TRIM5: variants seen among roughly 807,000 people sequenced by gnomAD.
TRIM5 encodes the protein tripartite motif containing 5, also known as tripartite motif-containing protein 5.
In TRIM5, 31 loss-of-function variants were observed where a neutral mutation model predicts 35.6. That is an observed-to-expected ratio of 0.87 (90% CI 0.65 to 1.18). TRIM5 has a LOEUF of 1.18. TRIM5 is among the 50% of genes most tolerant of loss of function. The pLI, the probability that TRIM5 is intolerant of heterozygous loss-of-function variation, is 0.00. For synonymous variants in TRIM5, 243 were observed against 215.6 expected (o/e 1.13, Z -1.11); for missense variants, 609 against 591.6 (o/e 1.03, Z -0.31).
chr11:5,610,757 T>G, the TRIM5 span: 9 of 1,612,146 alleles, frequency 5.6e-6, no homozygotes, highest in South Asian at 8.8e-5. Context: ...CATCTGCTGA[T>G]GTTGTACCTT....
At chr11:5,604,232 T>G in the TRIM5 span, among the ~76,000 whole-genome samples, 6 of 152,076 alleles carry the variant, frequency 3.9e-5, no homozygotes, top group Non-Finnish European at 8.8e-5. Flanking sequence ...CAGGCTGATC[T>G]CAAACTCCTG....
the TRIM5 span, chr11:5,642,378 G>A: frequency 6.2e-7 from 1 of 1,602,394 alleles, no homozygotes; most frequent in Non-Finnish European, 8.5e-7. Flanking sequence ...GAGAGATGTG[G>A]GGGTCAAAAA....
downstream of TRIM5, among the ~76,000 whole-genome samples, chr11:5,662,332 A>G (rs1038414233): frequency 2.2e-4 from 33 of 152,212 alleles, no homozygotes; most frequent in Non-Finnish European, 1.5e-4. Flanking sequence ...GCCAATAGAC[A>G]TAGGGATCCT....
chr11:5,624,692 T>C, the TRIM5 span: 2 of 152,186 alleles, frequency 1.3e-5, no homozygotes, highest in African/African-American at 4.8e-5. Flanking sequence ...GCGGCATCTG[T>C]GACCTGTACC....
chr11:5,632,332 A>G, the TRIM5 span: 1 of 1,614,106 alleles, frequency 6.2e-7, no homozygotes, highest in East Asian at 2.2e-5. Flanking sequence ...AAGCAGTGCA[A>G]TGGCTTCAAA....
chr11:5,683,046 C>T (rs1292701475), intron 1 of TRIM5, among the ~76,000 whole-genome samples: 2 of 152,216 alleles, frequency 1.3e-5, no homozygotes, highest in Non-Finnish European at 2.9e-5. Context: ...TCGGAGTGGC[C>T]GGCCGGCCCC....
rs746025761 is a variant in TRIM5 at position 5,665,293 on chromosome 11, C to G, written c.998G>C (p.Gly333Ala). ...ATTCACAAATGTCTGGTATCTTGTCCCTCGTGCCCCATATATTATCTGTGG... is the reference window on the plus strand; with the variant it reads ...ATTCACAAATGTCTGGTATCTTGTCGCTCGTGCCCCATATATTATCTGTGG... ...PKPQIIYGAR[G>A]TRYQTFVNFN... Residue 333 changes from glycine (G) to alanine (A), a missense_variant, in exon 8 of 8, where the codon GGG becomes GCG. Physicochemically the swap from Gly to Ala is moderately conservative, Grantham distance 60. Coordinates refer to ENST00000380034, the MANE Select transcript of TRIM5 (RefSeq NM_033034.3). 2.5e-6 allele frequency: 4 copies of G among 1,614,106 alleles called. No individual in the cohort carries two copies. The highest frequency in any genetic ancestry group is 3.4e-6 in the Non-Finnish European group (4 of 1,180,024).
intron 1 of TRIM5, among the ~76,000 whole-genome samples, chr11:5,683,098 C>T (rs1314783907): frequency 6.6e-6 from 1 of 152,228 alleles, no homozygotes; most frequent in Non-Finnish European, 1.5e-5. Context: ...GGGCCAGCAG[C>T]TGCTGTGCTC....
At position 5,664,657 on chromosome 11, in the gene TRIM5, T is replaced by C; in HGVS notation, c.*152A>G. 7 of 1,394,858 alleles carry C rather than the reference T, an allele frequency of 5.0e-6. No individual in the cohort carries two copies. The highest frequency in any genetic ancestry group is 6.5e-6 in the Non-Finnish European group (7 of 1,079,298). The allele number at this position is 1,394,858 out of a possible 1,614,324, so 86.4% of individuals were successfully genotyped here. On this transcript the variant is annotated 3_prime_UTR_variant, in exon 8 of 8. Transcript: ENST00000380034. ...TGGGGACAATATGGCACAAGGCAAT[T>C]ATTACATTTTACTGATGAGTGAAGG... is the stretch of plus-strand genomic sequence containing the variant.
At chr11:5,652,680 A>G in the TRIM5 span, among the ~76,000 whole-genome samples, 1 of 152,094 alleles carries the variant, frequency 6.6e-6, no homozygotes, top group Non-Finnish European at 1.5e-5. Context: ...ATTTTAGAAT[A>G]GTTTTTTTCT....
intron 1 of TRIM5, among the ~76,000 whole-genome samples, chr11:5,681,604 C>T (rs1400164137): frequency 6.6e-6 from 1 of 152,116 alleles, no homozygotes; most frequent in Non-Finnish European, 1.5e-5. Context: ...TTCAGACCCT[C>T]AATAAACTTG....
chr11:5,611,737 G>A, the TRIM5 span: 1 of 201,202 alleles, frequency 5.0e-6, no homozygotes, highest in Non-Finnish European at 1.0e-5. Flanking sequence ...ACAGATGTGA[G>A]CCGCCGCGCC....
rs1564926236 is a variant in TRIM5 at position 5,680,243 on chromosome 11, A to G, written c.-61-5T>C. 1 of 1,468,278 alleles carries G rather than the reference A, an allele frequency of 6.8e-7. No individual in the cohort carries two copies. Among genetic ancestry groups the G allele is most frequent in the Admixed American group, 2.3e-5 (1 of 44,412 alleles). The allele number at this position is 1,468,278 out of a possible 1,614,324, so 91.0% of individuals were successfully genotyped here. The stretch of plus-strand genomic sequence containing the variant: ...GTTCCTCTTGTTCACAGATCCCTGC[A>G]TGATTGGGAAGGTTAAAATGGGACC... On this transcript the variant is annotated splice_polypyrimidine_tract_variant and splice_region_variant and intron_variant, in intron 1 of 7. Transcript: ENST00000380034.
At chr11:5,672,011 A>C (rs191497859) in intron 4 of TRIM5, among the ~76,000 whole-genome samples, 2 of 152,276 alleles carry the variant, frequency 1.3e-5, no homozygotes, top group Non-Finnish European at 2.9e-5. Context: ...AATGCTTTCA[A>C]CATGATTAAT....
chr11:5,679,126 T>C lies in TRIM5; in HGVS notation c.461A>G (p.Gln154Arg). ...GTCAGCTTCTAACTCTTCAGCTTCC[T>C]GCTGCTTCTGCCTCAGCATCTCCAG... ...AALEMLRQKQQEAEELEADIR... is the reference protein window; with the variant it reads ...AALEMLRQKQREAEELEADIR... The change falls in exon 3 of 8, where the codon CAG becomes CGG. Residue 154 changes from glutamine to arginine, a missense_variant. Physicochemically the swap from Gln to Arg is conservative, Grantham distance 43. Coordinates refer to ENST00000380034, the MANE Select transcript of TRIM5 (RefSeq NM_033034.3). 1 of 1,614,154 alleles carries C rather than the reference T, an allele frequency of 6.2e-7. No individual in the cohort carries two copies. Among genetic ancestry groups the C allele is most frequent in the South Asian group, 1.1e-5 (1 of 91,086 alleles).
chr11:5,637,044 C>G, the TRIM5 span, among the ~76,000 whole-genome samples: 1 of 152,138 alleles, frequency 6.6e-6, no homozygotes, highest in Non-Finnish European at 1.5e-5. Context: ...GTGATGGCGG[C>G]TGCCTGTAGT....
At chr11:5,647,440 C>T in the TRIM5 span, among the ~76,000 whole-genome samples, 3 of 152,094 alleles carry the variant, frequency 2.0e-5, no homozygotes, top group Non-Finnish European at 2.9e-5. Flanking sequence ...TCTATACCCA[C>T]AGGAAAAATA....
chr11:5,654,479 G>T, the TRIM5 span, among the ~76,000 whole-genome samples: 1 of 152,258 alleles, frequency 6.6e-6, no homozygotes, highest in East Asian at 1.9e-4. Flanking sequence ...TGGAGGCTAT[G>T]GTAAGGCTTT....
At chr11:5,604,772 C>T in the TRIM5 span, 4 of 784,764 alleles carry the variant, frequency 5.1e-6, no homozygotes, top group South Asian at 9.6e-5. Context: ...CCACTATATT[C>T]CTTCCAAACA....
Sources: gnomAD v4.1 joint callset for allele counts (sites outside exome capture counted in the v4.1 genomes callset) on GRCh38, gnomAD v4.1.1 for gene constraint, MANE v1.5 for transcripts, NCBI Gene and HGNC (gene_info 2026-07-23, HGNC 2026-07-21) for gene names.